RAB3GAP2: variants seen among roughly 807,000 people sequenced by gnomAD.
RAB3GAP2 encodes RAB3 GTPase activating non-catalytic protein subunit 2.
RAB3GAP2 carries 87 observed loss-of-function variants against 185.3 expected under a neutral mutation model. That is an observed-to-expected ratio of 0.47 (90% CI 0.39 to 0.56). The LOEUF (loss-of-function observed/expected upper bound fraction) is 0.56, where lower values mean the gene tolerates loss of function less well. RAB3GAP2 is among the 20% of genes least tolerant of loss of function. RAB3GAP2 has a pLI of 0.00. For synonymous variants in RAB3GAP2, 554 were observed against 576.1 expected (o/e 0.96, Z 0.55); for missense variants, 1,492 against 1,638.2 (o/e 0.91, Z 1.54).
chr1:220,160,770 C>T (rs1194001602), intron 28 of RAB3GAP2, among the ~76,000 whole-genome samples: 1 of 152,078 alleles, frequency 6.6e-6, no homozygotes, highest in African/African-American at 2.4e-5. Flanking sequence ...AGAAGCCTTC[C>T]CCTTGTTTTG....
At chr1:220,265,870 A>G (rs1447961847) in intron 1 of RAB3GAP2, 2 of 152,256 alleles carry the variant, frequency 1.3e-5, no homozygotes, top group Non-Finnish European at 2.9e-5. Context: ...GGCTGCAGTG[A>G]GCTATGATCA....
chr1:220,268,048 G>A (rs1660259799), intron 1 of RAB3GAP2: 2 of 425,340 alleles, frequency 4.7e-6, no homozygotes, highest in East Asian at 3.4e-5. Context: ...CTCTAGAGAT[G>A]AGCTAGGTTA....
chr1:220,201,346 A>G (rs1658853907), intron 9 of RAB3GAP2, among the ~76,000 whole-genome samples: 1 of 152,148 alleles, frequency 6.6e-6, no homozygotes, highest in East Asian at 1.9e-4. Flanking sequence ...ACACTTGACC[A>G]AGGTTACATT....
intron 21 of RAB3GAP2, among the ~76,000 whole-genome samples, chr1:220,175,952 A>G (rs1374797515): frequency 6.6e-6 from 1 of 152,230 alleles, no homozygotes; most frequent in African/African-American, 2.4e-5. Context: ...AGGATGCCAA[A>G]GAAACTATCA....
intron 1 of RAB3GAP2, chr1:220,267,582 T>A: frequency 1.5e-6 from 2 of 1,362,088 alleles, no homozygotes; most frequent in Non-Finnish European, 2.1e-6. Context: ...TGCCAGTTCC[T>A]CCTCAGGATT....
Position 220,171,056 on chromosome 1 carries a change from A to G in RAB3GAP2, c.2642T>C (p.Leu881Pro). Residue 881 changes from leucine (L) to proline (P), a missense_variant, in exon 24 of 35, where the codon CTT (leucine) becomes CCT (proline). Around this residue, in one of 5 missense-constraint regions of RAB3GAP2, gnomAD observed 681 missense variants for 689.1 expected, o/e 0.99. Coordinates refer to ENST00000358951, the MANE Select transcript of RAB3GAP2 (RefSeq NM_012414.4). ...AAGGAGTTTCCAGTACTCAGTGTCA[A>G]GAGAAAGTGCCTCCCAGGAATCAGT... ...ALTDSWEALS[L>P]DTEYWKLLLK... 1 of 1,614,198 alleles carries G rather than the reference A, an allele frequency of 6.2e-7. No homozygotes were observed. Among genetic ancestry groups the G allele is most frequent in the Non-Finnish European group, 8.5e-7 (1 of 1,180,018 alleles).
At chr1:220,201,849 TCTCA>T (rs1227358467) in intron 9 of RAB3GAP2, among the ~76,000 whole-genome samples, 1 of 152,146 alleles carries the variant, frequency 6.6e-6, no homozygotes, top group African/African-American at 2.4e-5. Context: ...CTTCCAGATG[TCTCA>T]CTAAAGGCAA....
chr1:220,172,392 CTGAGT>C lies in RAB3GAP2; in HGVS notation c.2416+240_2416+244del, dbSNP rs199937455. On this transcript the variant is annotated intron_variant, in intron 22 of 34. Coordinates refer to ENST00000358951, the MANE Select transcript of RAB3GAP2 (RefSeq NM_012414.4). ...CCCGAAGACCATTCCATTTGCCTTA[CTGAGT>C]TAAGATGTATTGTTCAAATCATGTT... Among the ~76,000 whole-genome samples, 1,445 of 152,226 alleles carry C rather than the reference CTGAGT, an allele frequency of 9.5e-3. 15 individuals carry two copies. The highest frequency in any genetic ancestry group is 0.033 in the South Asian group (159 of 4,824).
rs1289277257 is a variant in RAB3GAP2 at position 220,244,144 on chromosome 1, C to T, written c.116-11281G>A. Among the ~76,000 whole-genome samples the T allele has an allele frequency of 2.6e-5, 4 of 152,062 alleles. No homozygotes were observed. In the East Asian group the frequency reaches 5.8e-4, roughly 22 times the overall value. On this transcript the variant is annotated intron_variant, in intron 1 of 34. Transcript: ENST00000358951. ...TGTTGCTGTTCACTGATGATATGAT[C>T]GTACAAAAAATCCTAAAGATGCATC...
rs1421354519 is a variant in RAB3GAP2 at position 220,191,268 on chromosome 1, T to C, written c.1287A>G (p.Gln429=). 17 of 1,609,214 alleles carry C rather than the reference T, an allele frequency of 1.1e-5. No individual in the cohort carries two copies. The highest frequency in any genetic ancestry group is 8.5e-6 in the Non-Finnish European group (10 of 1,178,326). ...CCTCTACAGTTTGAATCCATCCAAT[T>C]TGTGCGTCGCGGTACCCTTAGAGAC... is the stretch of plus-strand genomic sequence containing the variant. ...IRMWKGYRDA[Q]IGWIQTVEDL... is the part of the protein sequence containing the mutation. Residue 429 remains glutamine (Q), a synonymous_variant, in exon 14 of 35, where the codon CAA becomes CAG. Coordinates refer to ENST00000358951, the MANE Select transcript of RAB3GAP2 (RefSeq NM_012414.4).
intron 7 of RAB3GAP2, among the ~76,000 whole-genome samples, chr1:220,209,210 G>C (rs1326871105): frequency 6.6e-6 from 1 of 152,116 alleles, no homozygotes; most frequent in East Asian, 1.9e-4. Context: ...TAAATCTTTA[G>C]GAGTTTCTCT....
chr1:220,167,386 T>TA lies in RAB3GAP2; in HGVS notation c.2993dup (p.Leu998PhefsTer4), dbSNP rs763314199. 6.2e-7 allele frequency: 1 copy of TA among 1,614,188 alleles called. No individual in the cohort carries two copies. Among genetic ancestry groups the TA allele is most frequent in the Non-Finnish European group, 8.5e-7 (1 of 1,180,000 alleles). ...GGCTACAAGGAAACTGCTCATAGGC[T>TA]AAATGCAGTAAGTCTGAAAGTCAGA... On this transcript the variant is annotated frameshift_variant, in exon 26 of 35. Coordinates refer to ENST00000358951, the MANE Select transcript of RAB3GAP2 (RefSeq NM_012414.4). LOFTEE classifies it high-confidence loss of function.
chr1:220,220,993 C>T (rs1007942102), intron 2 of RAB3GAP2, among the ~76,000 whole-genome samples: 2 of 152,194 alleles, frequency 1.3e-5, no homozygotes, highest in Non-Finnish European at 2.9e-5. Flanking sequence ...CTTCTGAGGG[C>T]TGCTGCTGGG....
Position 220,272,257 on chromosome 1 carries a change from C to T in RAB3GAP2, c.81G>A (p.Glu27=), listed in dbSNP as rs751475621. 1 of 1,611,226 alleles carries T rather than the reference C, an allele frequency of 6.2e-7. No homozygotes were observed. Among genetic ancestry groups the T allele is most frequent in the Admixed American group, 1.7e-5 (1 of 59,760 alleles). Residue 27 remains glutamate, a synonymous_variant, in exon 1 of 35, where the codon GAG becomes GAA. Coordinates refer to ENST00000358951, the MANE Select transcript of RAB3GAP2 (RefSeq NM_012414.4). Reference sequence around the variant, plus strand: ...TCCGCAAGGCGCCGCTGAGGATCTCCTCCCGCAGGTGAGGAAAGAGGAAGT... The same window carrying T: ...TCCGCAAGGCGCCGCTGAGGATCTCTTCCCGCAGGTGAGGAAAGAGGAAGT... ...ARDFLFPHLR[E]EILSGALRRD...
intron 28 of RAB3GAP2, among the ~76,000 whole-genome samples, chr1:220,161,361 G>C (rs1169338237): frequency 6.6e-6 from 1 of 152,164 alleles, no homozygotes; most frequent in Non-Finnish European, 1.5e-5. Context: ...CTTTACAGTG[G>C]TAATTCTCTT....
At chr1:220,172,841 C>A (rs1325665418) in intron 21 of RAB3GAP2, 99 bp from the exon 22 acceptor site, 2 of 772,258 alleles carry the variant, frequency 2.6e-6, no homozygotes, top group African/African-American at 3.5e-5. Flanking sequence ...ATGGATGATG[C>A]AGCTTCTTGA....
intron 1 of RAB3GAP2, among the ~76,000 whole-genome samples, chr1:220,247,393 T>C (rs1659840950): frequency 6.6e-6 from 1 of 152,132 alleles, no homozygotes; most frequent in Admixed American, 6.5e-5. Context: ...GAAAATGTGG[T>C]ATATATACAC....
intron 1 of RAB3GAP2, among the ~76,000 whole-genome samples, chr1:220,264,245 TCTTG>T (rs1354449926): frequency 1.3e-5 from 2 of 152,122 alleles, no homozygotes; most frequent in African/African-American, 2.4e-5. Context: ...ACATTTTTCT[TCTTG>T]CTTGAGTTAT....
intron 24 of RAB3GAP2, among the ~76,000 whole-genome samples, chr1:220,170,096 A>G (rs1003349130): frequency 3.9e-5 from 6 of 152,232 alleles, no homozygotes; most frequent in Non-Finnish European, 8.8e-5. Flanking sequence ...GCCATAAAAA[A>G]GATGAGTTCA....
Sources: gnomAD v4.1 joint callset for allele counts (sites outside exome capture counted in the v4.1 genomes callset) on GRCh38, gnomAD v4.1.1 for gene constraint, gnomAD v4.1.1 regional missense constraint, MANE v1.5 for transcripts, NCBI Gene and HGNC (gene_info 2026-07-23, HGNC 2026-07-21) for gene names.